The following ZNF157 variants were observed in gnomAD, a reference collection of about 807,000 sequenced individuals.
ZNF157 encodes the protein zinc finger protein 22.
ZNF157 carries 8 observed loss-of-function variants against 9.4 expected under a neutral mutation model. The observed-to-expected ratio is 0.85, with a 90% confidence interval of 0.50 to 1.53. The LOEUF is 1.53. Among genes scored for constraint, ZNF157 ranks in the 40% most tolerant of loss-of-function variants. The pLI, the probability that ZNF157 is intolerant of heterozygous loss-of-function variation, is 0.00. For missense variants in ZNF157, 316 were observed against 385.2 expected, an observed-to-expected ratio of 0.82 and a Z score of 1.50; for synonymous variants, 120 against 130.8, an observed-to-expected ratio of 0.92 and a Z score of 0.56.
At position 47,370,718 on chromosome X, in the gene ZNF157, G is replaced by C. The variant is rs780126156; in HGVS notation, c.50G>C (p.Gly17Ala). The C allele has an allele frequency of 8.3e-7, 1 of 1,202,374 alleles. No individual in the cohort carries two copies. The highest frequency in any genetic ancestry group is 1.8e-5 in the African/African-American group (1 of 56,870). ...SPQRFPALIP[G>A]EPGRSFEGSV... ...CAGAGATTCCCTGCCCTGATTCCAG[G>C]AGAACCTGGCAGATCTTTTGAGGTA... is the stretch of plus-strand genomic sequence containing the variant. The change falls in exon 1 of 4, where the codon GGA (glycine) becomes GCA (alanine). Residue 17 changes from glycine (G) to alanine (A), a missense_variant. This residue lies in a region of ZNF157 where 146 missense variants were observed against 183.8 expected (regional missense o/e 0.79). Transcript: ENST00000377073.
chrX:47,379,130 C>G lies in ZNF157; in HGVS notation c.72+8390C>G, dbSNP rs185726740. On this transcript the variant is annotated intron_variant, in intron 1 of 3. Coordinates refer to ENST00000377073, the MANE Select transcript of ZNF157 (RefSeq NM_003446.4). ...AACGTACTGTTTTTTTTTTCTTTCACAGGTCATACTTTTGGTGTTGTATTC... is the reference window on the plus strand; with the variant it reads ...AACGTACTGTTTTTTTTTTCTTTCAGAGGTCATACTTTTGGTGTTGTATTC... 6.4e-5 allele frequency among the ~76,000 whole-genome samples: 7 copies of G among 109,121 alleles called. No individual in the cohort carries two copies. The East Asian group carries it at 2.0e-3, about 31-fold the overall frequency. 94.8% of individuals were successfully genotyped at this position (109,121 alleles called of 115,157 possible). A position where few individuals can be genotyped will look rare whatever the true frequency, so the allele number is the denominator to read the frequency against.
At chrX:47,381,592 T>C (rs1262014170) in intron 1 of ZNF157, among the ~76,000 whole-genome samples, 1 of 112,331 alleles carries the variant, frequency 8.9e-6, no homozygotes, top group East Asian at 2.8e-4. Flanking sequence ...AATTGACTTT[T>C]ATTAAGCCTG....
At chrX:47,380,344 T>C (rs938042365) in intron 1 of ZNF157, among the ~76,000 whole-genome samples, 1 of 110,936 alleles carries the variant, frequency 9.0e-6, no homozygotes, top group Non-Finnish European at 1.9e-5. Flanking sequence ...GCAGGCGACT[T>C]CAGAGATCAA....
chrX:47,371,847 T>C (rs2055829797), intron 1 of ZNF157, among the ~76,000 whole-genome samples: 1 of 111,756 alleles, frequency 8.9e-6, no homozygotes, highest in African/African-American at 3.3e-5. Flanking sequence ...GACCTCGTGA[T>C]CCACCTGCCT....
chrX:47,380,339 C>T (rs1462629493), intron 1 of ZNF157, among the ~76,000 whole-genome samples: 1 of 110,778 alleles, frequency 9.0e-6, no homozygotes, highest in Non-Finnish European at 1.9e-5. Flanking sequence ...GCCAAGCAGG[C>T]GACTTCAGAG....
chrX:47,401,506 G>A (rs2055930271), intron 1 of ZNF157, among the ~76,000 whole-genome samples: 1 of 111,989 alleles, frequency 8.9e-6, no homozygotes, highest in South Asian at 3.7e-4. Context: ...CATGCATCCT[G>A]CAAATGACAA....
chrX:47,414,275 G>A lies in ZNF157; in HGVS notation c.*681G>A, dbSNP rs2147417288. 1 of 111,425 alleles carries A rather than the reference G, an allele frequency of 9.0e-6. No individual in the cohort carries two copies. The highest frequency in any genetic ancestry group is 3.8e-4 in the South Asian group (1 of 2,642). 9.2% of individuals were successfully genotyped at this position (111,425 alleles called of 1,213,427 possible). On this transcript the variant is annotated 3_prime_UTR_variant, in exon 4 of 4. Transcript: ENST00000377073. ...GATCCACCTGCCTCGGCCTCCAAAA[G>A]TGTTGGGATTACAGGTGTGAGCCAC...
At chrX:47,385,963 A>C (rs1434379931) in intron 1 of ZNF157, among the ~76,000 whole-genome samples, 1 of 110,578 alleles carries the variant, frequency 9.0e-6, no homozygotes, top group East Asian at 2.8e-4. Context: ...CACGAGTGTG[A>C]GTCAGAGCCA....
chrX:47,380,435 G>A (rs2055857818), intron 1 of ZNF157, among the ~76,000 whole-genome samples: 1 of 111,652 alleles, frequency 9.0e-6, no homozygotes, highest in Admixed American at 9.6e-5. Flanking sequence ...CTTGGGGTGG[G>A]CTGTCCGCAT....
intron 1 of ZNF157, among the ~76,000 whole-genome samples, chrX:47,394,111 G>A (rs1175089109): frequency 2.7e-5 from 3 of 109,346 alleles, no homozygotes; most frequent in Non-Finnish European, 5.7e-5. Flanking sequence ...ACAGGCACCC[G>A]CCACCACGCC....
chrX:47,390,592 C>G (rs911605975), intron 1 of ZNF157, among the ~76,000 whole-genome samples: 9 of 112,475 alleles, frequency 8.0e-5, no homozygotes. Flanking sequence ...GTAATCCCAG[C>G]TACTCGGGAG....
At chrX:47,395,324 A>T (rs1420564267) in intron 1 of ZNF157, among the ~76,000 whole-genome samples, 1 of 111,991 alleles carries the variant, frequency 8.9e-6, no homozygotes, top group East Asian at 2.8e-4. Context: ...AGCTGGGGCT[A>T]CAGGTGTATG....
intron 1 of ZNF157, among the ~76,000 whole-genome samples, chrX:47,379,671 C>T (rs752111212): frequency 3.8e-5 from 4 of 106,248 alleles, no homozygotes; most frequent in Non-Finnish European, 7.7e-5. Flanking sequence ...ACTGCCTTGG[C>T]CTCCCAGTTT....
At position 47,387,554 on chromosome X, in the gene ZNF157, G is replaced by A. The variant is rs371105141; in HGVS notation, c.72+16814G>A. Among the ~76,000 whole-genome samples the A allele has an allele frequency of 2.7e-5, 3 of 110,443 alleles. No individual in the cohort carries two copies. The East Asian group carries it at 8.7e-4, about 32-fold the overall frequency. The stretch of plus-strand genomic sequence containing the variant: ...TTACAGGCATAAGCCACCATGCCTG[G>A]TCCTGAAGTCTTGCTTAATCTGTAT... On this transcript the variant is annotated intron_variant, in intron 1 of 3. Coordinates refer to ENST00000377073, the MANE Select transcript of ZNF157 (RefSeq NM_003446.4).
intron 1 of ZNF157, among the ~76,000 whole-genome samples, chrX:47,374,489 C>T (rs1366585380): frequency 9.6e-6 from 1 of 104,263 alleles, no homozygotes; most frequent in Non-Finnish European, 2.0e-5. Context: ...ACCTCTGCCT[C>T]CCCGGCCCAA....
chrX:47,410,473 C>T (rs2055961107), intron 2 of ZNF157, 71 bp downstream of exon 2: 2 of 1,145,114 alleles, frequency 1.7e-6, no homozygotes, highest in Admixed American at 4.6e-5. Flanking sequence ...CATGTGCAGC[C>T]TTGCGAGGGT....
At chrX:47,396,661 C>T (rs2055914424) in intron 1 of ZNF157, among the ~76,000 whole-genome samples, 1 of 112,178 alleles carries the variant, frequency 8.9e-6, no homozygotes, top group Admixed American at 9.6e-5. Context: ...TCAGCAGACA[C>T]CTGAGCTGCT....
chrX:47,412,239 G>A (rs750483688), intron 3 of ZNF157, 130 bp from the exon 4 acceptor site: 27 of 571,111 alleles, frequency 4.7e-5, no homozygotes, highest in Admixed American at 2.9e-4. Context: ...GATTACAAGC[G>A]TGAGCCACTG....
At chrX:47,394,122 C>A (rs755554659) in intron 1 of ZNF157, among the ~76,000 whole-genome samples, 1 of 109,672 alleles carries the variant, frequency 9.1e-6, no homozygotes, top group African/African-American at 3.3e-5. Flanking sequence ...CCACCACGCC[C>A]GGCTAATTTT....
Sources: allele counts gnomAD v4.1 joint callset (sites outside exome capture counted in the v4.1 genomes callset), GRCh38; gene constraint gnomAD v4.1.1; regional missense constraint gnomAD v4.1.1; transcripts MANE v1.5; gene names NCBI Gene and HGNC (gene_info 2026-07-23, HGNC 2026-07-21).